NCL: variants seen among roughly 807,000 people sequenced by gnomAD.
NCL encodes nucleolin multifunctional protein.
Under a neutral mutation model 77.7 loss-of-function variants are expected in NCL, and 4 were observed. The observed-to-expected ratio is 0.05, with a 90% CI of 0.03 to 0.12. NCL has a LOEUF of 0.12. NCL is among the 10% of genes least tolerant of loss of function. NCL has a pLI of 1.00. For missense variants in NCL, 763 were observed against 860.9 expected, an observed-to-expected ratio of 0.89 and a Z score of 1.42; for synonymous variants, 344 against 297.8, an observed-to-expected ratio of 1.16 and a Z score of -1.60.
Position 231,455,213 on chromosome 2 carries a change from C to T in NCL, c.2111G>A (p.Gly704Glu). Residue 704 changes from glycine to glutamate, a missense_variant, in exon 14 of 14, where the codon GGA (glycine) becomes GAA (glutamate). Gly to Glu is a moderately conservative substitution (Grantham distance 98, BLOSUM62 -2). Transcript: ENST00000322723. ...AAGCTATTCAAACTTCGTCTTCTTT[C>T]CTTGTGGCTTGTGGTCACCTCCTCC... ...RGGGGDHKPQGKKTKFE is the reference protein window; with the variant it reads ...RGGGGDHKPQEKKTKFE The T allele has an allele frequency of 6.2e-7, 1 of 1,614,238 alleles. No homozygotes were observed. Among genetic ancestry groups the T allele is most frequent in the Non-Finnish European group, 8.5e-7 (1 of 1,180,048 alleles).
At position 231,461,552 on chromosome 2, in the gene NCL, C is replaced by G; in HGVS notation, c.601G>C (p.Asp201His). 6.2e-7 allele frequency: 1 copy of G among 1,613,082 alleles called. No homozygotes were observed. Among genetic ancestry groups the G allele is most frequent in the Non-Finnish European group, 8.5e-7 (1 of 1,179,396 alleles). ...DDEDDEDDDD[D>H]EEDDSEEEAM... The stretch of plus-strand genomic sequence containing the variant: ...GACAACTCCTTACCATCTTCCTCAT[C>G]GTCATCGTCATCCTCATCATCTTCG... Residue 201 changes from aspartate (D) to histidine (H), a missense_variant, in exon 3 of 14, where the codon GAT (aspartate) becomes CAT (histidine). Asp to His is a moderately conservative substitution (Grantham distance 81). Transcript: ENST00000322723.
Position 231,461,722 on chromosome 2 carries a change from T to C in NCL, c.431A>G (p.Asp144Gly), listed in dbSNP as rs780842744. ...GTCATCATCCTCCTCTTCATCACTG[T>C]CTTCCTTCTTGGCATTCTTGCCATT... ...AKNGKNAKKE[D>G]SDEEEDDDSE... The change falls in exon 3 of 14, where the codon GAC (aspartate) becomes GGC (glycine). Residue 144 changes from aspartate to glycine, a missense_variant. Transcript: ENST00000322723. 1.9e-5 allele frequency: 31 copies of C among 1,614,108 alleles called. No homozygotes were observed. The highest frequency in any genetic ancestry group is 2.6e-5 in the Non-Finnish European group (31 of 1,180,048).
chr2:231,460,912 A>G, intron 3 of NCL, 46 bp from the exon 4 acceptor site: 9 of 1,430,972 alleles, frequency 6.3e-6, no homozygotes, highest in Non-Finnish European at 8.9e-6. Context: ...CCCAAAACCA[A>G]CATCGGTTTT....
chr2:231,460,903 C>A, intron 3 of NCL, 37 bp from the exon 4 acceptor site: 1 of 1,485,534 alleles, frequency 6.7e-7, no homozygotes, highest in Non-Finnish European at 9.4e-7. Flanking sequence ...CAGCAATCTC[C>A]CAAAACCAAC....
intron 2 of NCL, 131 bp from the exon 3 acceptor site, chr2:231,462,148 G>C: frequency 1.7e-6 from 2 of 1,183,288 alleles, no homozygotes; most frequent in Non-Finnish European, 2.5e-6. Context: ...ACATTAGCAT[G>C]TTAAACTCCA....
chr2:231,459,077 C>T lies in NCL; in HGVS notation c.1089G>A (p.Ala363=), dbSNP rs748525074. 17 of 1,604,132 alleles carry T rather than the reference C, an allele frequency of 1.1e-5. No individual in the cohort carries two copies. Among genetic ancestry groups the T allele is most frequent in the South Asian group, 7.9e-5 (7 of 88,510 alleles). The change falls in exon 7 of 14, where the codon GCG becomes GCA. Residue 363 remains alanine, a synonymous_variant. Coordinates refer to ENST00000322723, the MANE Select transcript of NCL (RefSeq NM_005381.3). ...DFESAEDLEK[A]LELTGLKVFG... ...AGACTTTCAAACCAGTGAGTTCCAA[C>T]GCTTTCTCCAGGTCTTCAGCAGATT... is the stretch of plus-strand genomic sequence containing the variant.
chr2:231,456,737 G>A lies in NCL; in HGVS notation c.1599C>T (p.Phe533=), dbSNP rs748488201. ...AATTTAAAGCTTCTTTAGCGTCTTC[G>A]AATGAAGCAAACTCTATAAATGCAT... ...KGYAFIEFAS[F]EDAKEALNSC... Residue 533 remains phenylalanine, a synonymous_variant, in exon 11 of 14, where the codon TTC becomes TTT. Coordinates refer to ENST00000322723, the MANE Select transcript of NCL (RefSeq NM_005381.3). 77 of 1,613,898 alleles carry A rather than the reference G, an allele frequency of 4.8e-5. No homozygotes were observed. The highest frequency in any genetic ancestry group is 3.2e-4 in the Admixed American group (19 of 59,976).
chr2:231,464,111 G>C, intron 1 of NCL: 1 of 1,373,074 alleles, frequency 7.3e-7, no homozygotes, highest in South Asian at 1.6e-5. Flanking sequence ...CAGTGACTCT[G>C]TCTTTCCCGC....
In NCL at chr2:231,461,855, G is replaced by C; in HGVS notation, c.298C>G (p.Pro100Ala). 3 of 1,614,120 alleles carry C rather than the reference G, an allele frequency of 1.9e-6. No homozygotes were observed. The East Asian group carries it at 6.7e-5, about 36-fold the overall frequency. ...AATPAKKTVT[P>A]AKAVTTPGKK... ...CCAGGTGTGGTAACTGCTTTGGCTG[G>C]TGTAACTGTCTTCTTGGCAGGTGTT... is the stretch of plus-strand genomic sequence containing the variant. Residue 100 changes from proline to alanine, a missense_variant, in exon 3 of 14, where the codon CCA (proline) becomes GCA (alanine). Physicochemically the swap from Pro to Ala is conservative, Grantham distance 27 (BLOSUM62 -1). Transcript: ENST00000322723.
At chr2:231,461,047 G>A (rs1230364839) in intron 3 of NCL, among the ~76,000 whole-genome samples, 181 bp from the exon 4 acceptor site, 1 of 152,198 alleles carries the variant, frequency 6.6e-6, no homozygotes, top group Non-Finnish European at 1.5e-5. Flanking sequence ...GGGAGACCAA[G>A]GTGGGTGGAT....
In NCL at chr2:231,460,488, C is replaced by T; in HGVS notation, c.888G>A (p.Gln296=). Residue 296 remains glutamine (Q), a synonymous_variant, in exon 5 of 14, where the codon CAG becomes CAA. Transcript: ENST00000322723. ...KQKAAPEAKK[Q]KVEGTEPTTA... ...AATTCTGCAAGTTACCTTCCACTTT[C>T]TGTTTCTTGGCTTCAGGAGCTGCTT... 1 of 1,614,150 alleles carries T rather than the reference C, an allele frequency of 6.2e-7. No individual in the cohort carries two copies. Among genetic ancestry groups the T allele is most frequent in the South Asian group, 1.1e-5 (1 of 91,076 alleles).
At chr2:231,455,362 G>A in intron 13 of NCL, 39 bp downstream of exon 13, 1 of 1,613,334 alleles carries the variant, frequency 6.2e-7, no homozygotes, top group Non-Finnish European at 8.5e-7. Flanking sequence ...GGTCTGAAGA[G>A]CACATGCTAT....
rs1575262814 is a variant in NCL at position 231,461,429 on chromosome 2, C to T, written c.613+111G>A. ...ACACCACAACAACCCAGAGAATTCC[C>T]ACAAGGATTCTAATCTCATCTCCAG... On this transcript the variant is annotated intron_variant, in intron 3 of 13. Transcript: ENST00000322723. The T allele has an allele frequency of 2.7e-6, 4 of 1,494,998 alleles. No homozygotes were observed. The East Asian group carries it at 9.1e-5, about 34-fold the overall frequency. The allele number at this position is 1,494,998 out of a possible 1,614,324, so 92.6% of individuals were successfully genotyped here.
chr2:231,464,261 C>T, intron 1 of NCL, 75 bp downstream of exon 1: 1 of 1,535,082 alleles, frequency 6.5e-7, no homozygotes, highest in Non-Finnish European at 8.8e-7. Context: ...CGCGCAGGCC[C>T]TCCTCCCCGC....
rs1342639809 is a variant in NCL, at chr2:231,457,712, A to T, written c.1378T>A (p.Ser460Thr). Residue 460 changes from serine to threonine, a missense_variant, in exon 9 of 14, where the codon TCC becomes ACC. Around this residue, in one of 2 missense-constraint regions of NCL, gnomAD observed 590 missense variants for 570.5 expected, o/e 1.03. Coordinates refer to ENST00000322723, the MANE Select transcript of NCL (RefSeq NM_005381.3). ...CCTTTCTCTCCAGTATAGTACAGGGAAATAGATCGCCCATCGATCTCTGTT... is the reference window on the plus strand; with the variant it reads ...CCTTTCTCTCCAGTATAGTACAGGGTAATAGATCGCCCATCGATCTCTGTT... ...QGTEIDGRSI[S>T]LYYTGEKGQN... 1.2e-6 allele frequency: 2 copies of T among 1,613,158 alleles called. No individual in the cohort carries two copies. Among genetic ancestry groups the T allele is most frequent in the Non-Finnish European group, 1.7e-6 (2 of 1,179,320 alleles).
chr2:231,458,766 C>T (rs1308223722), intron 7 of NCL: 7 of 456,602 alleles, frequency 1.5e-5, no homozygotes, highest in Non-Finnish European at 2.6e-5. Flanking sequence ...AATTCTTGTT[C>T]TGTATAAAAG....
chr2:231,459,250 T>C lies in NCL; in HGVS notation c.1041-125A>G, dbSNP rs1292201848. On this transcript the variant is annotated intron_variant, in intron 6 of 13. Coordinates refer to ENST00000322723, the MANE Select transcript of NCL (RefSeq NM_005381.3). Reference sequence around the variant, plus strand: ...ACATTTTAAAAAGCACCCCTAGTATTAGCAAAACAAAGTCAAGGCTCTGCA... The same window carrying C: ...ACATTTTAAAAAGCACCCCTAGTATCAGCAAAACAAAGTCAAGGCTCTGCA... 4 of 1,089,680 alleles carry C rather than the reference T, an allele frequency of 3.7e-6. No homozygotes were observed. In the East Asian group the frequency reaches 8.9e-5, roughly 24 times the overall value. 67.5% of individuals were successfully genotyped at this position (1,089,680 alleles called of 1,614,324 possible). A position where few individuals can be genotyped will look rare whatever the true frequency, so the allele number is the denominator to read the frequency against.
intron 3 of NCL, 76 bp downstream of exon 3, chr2:231,461,464 G>A (rs1448527267): frequency 7.7e-6 from 12 of 1,551,684 alleles, no homozygotes; most frequent in Non-Finnish European, 1.0e-5. Flanking sequence ...GGTTGTCGTG[G>A]AAGGAATATG....
At chr2:231,462,110 C>T (rs767411711) in intron 2 of NCL, 93 bp from the exon 3 acceptor site, 2 of 1,496,780 alleles carry the variant, frequency 1.3e-6, no homozygotes, top group South Asian at 1.1e-5. Flanking sequence ...CTGGCAATGC[C>T]TCTGGTTCAA....
Sources: gnomAD v4.1 joint callset for allele counts (sites outside exome capture counted in the v4.1 genomes callset) on GRCh38, gnomAD v4.1.1 for gene constraint, gnomAD v4.1.1 regional missense constraint, MANE v1.5 for transcripts, NCBI Gene and HGNC (gene_info 2026-07-23, HGNC 2026-07-21) for gene names.